Variants in SHANK2 observed in about 807,000 individuals in gnomAD.
SHANK2 encodes the protein SH3 and multiple ankyrin repeat domains protein 2.
A neutral mutation model predicts 133.7 loss-of-function variants in SHANK2; 43 were observed. The observed-to-expected ratio is 0.32, with a 90% CI of 0.25 to 0.41. SHANK2 has a LOEUF of 0.41. SHANK2 is among the 10% of genes least tolerant of loss of function. The pLI is 1.00. For missense variants in SHANK2, 1,994 were observed against 2,235.8 expected (o/e 0.89, Z 2.18); for synonymous variants, 1,017 against 952.8 (o/e 1.07, Z -1.24).
rs576329668 is a variant in SHANK2 at position 70,937,333 on chromosome 11, C to T, written c.1108-40766G>A. Among the ~76,000 whole-genome samples the T allele has an allele frequency of 5.3e-5, 8 of 152,336 alleles. No individual in the cohort carries two copies. The South Asian group carries it at 1.7e-3, about 32-fold the overall frequency. ...AAGTCATGTGGTAACAGGGACGTGT[C>T]CAAAACAAAAGCCCCAAATGCCTTC... On this transcript the variant is annotated intron_variant, in intron 10 of 25. Coordinates refer to ENST00000601538, the MANE Select transcript of SHANK2 (RefSeq NM_012309.5).
chr11:71,185,734 A>G (rs1217010133), intron 2 of SHANK2, among the ~76,000 whole-genome samples: 1 of 152,208 alleles, frequency 6.6e-6, no homozygotes. Flanking sequence ...GACAAAGCAG[A>G]TACAATGGGT....
intron 24 of SHANK2, among the ~76,000 whole-genome samples, chr11:70,488,815 T>TCA (rs1388857624): frequency 6.6e-6 from 1 of 152,142 alleles, no homozygotes; most frequent in African/African-American, 2.4e-5. Flanking sequence ...AATATGTGGA[T>TCA]GTTGAATGTG....
intron 14 of SHANK2, among the ~76,000 whole-genome samples, chr11:70,716,918 C>A (rs553953510): frequency 8.9e-4 from 134 of 150,300 alleles, no homozygotes; most frequent in African/African-American, 3.1e-3. Context: ...CCAACTGGAC[C>A]CCTCCCAGCC....
chr11:71,190,583 C>T (rs1241295383), intron 2 of SHANK2, among the ~76,000 whole-genome samples: 1 of 152,232 alleles, frequency 6.6e-6, no homozygotes, highest in African/African-American at 2.4e-5. Context: ...CACCACCCAC[C>T]AAGGCATGAG....
intron 2 of SHANK2, among the ~76,000 whole-genome samples, chr11:71,204,034 G>A (rs1291387265): frequency 6.6e-6 from 1 of 152,120 alleles, no homozygotes; most frequent in African/African-American, 2.4e-5. Flanking sequence ...GATGAACCCT[G>A]CCTGTCGCTA....
intron 17 of SHANK2, among the ~76,000 whole-genome samples, chr11:70,527,682 A>G (rs2059416958): frequency 6.6e-6 from 1 of 152,182 alleles, no homozygotes; most frequent in African/African-American, 2.4e-5. Flanking sequence ...CTCTCTGGCC[A>G]TTCATGTGGC....
At chr11:70,899,191 T>C (rs1555076305) in intron 10 of SHANK2, among the ~76,000 whole-genome samples, 1 of 152,148 alleles carries the variant, frequency 6.6e-6, no homozygotes. Flanking sequence ...GATCCCCATG[T>C]GTCGAGGGAG....
Position 71,066,906 on chromosome 11 carries a change from C to T in SHANK2, c.1029+8253G>A, listed in dbSNP as rs1326163290. Among the ~76,000 whole-genome samples, 5 of 152,162 alleles carry T rather than the reference C, an allele frequency of 3.3e-5. No homozygotes were observed. In the East Asian group the frequency reaches 9.6e-4, roughly 29 times the overall value. ...CCCCTCACTGCCGTGGACATAGGTG[C>T]TTCTGCCTGACCTGTGCCCAGTAGA... On this transcript the variant is annotated intron_variant, in intron 9 of 25. Coordinates refer to ENST00000601538, the MANE Select transcript of SHANK2 (RefSeq NM_012309.5).
chr11:70,829,341 G>C (rs1219670794), intron 11 of SHANK2, among the ~76,000 whole-genome samples: 3 of 152,268 alleles, frequency 2.0e-5, no homozygotes, highest in African/African-American at 7.2e-5. Flanking sequence ...CGTCCGGTGC[G>C]TGTGCAGCAG....
rs560012164 is a variant in SHANK2 at position 70,470,959 on chromosome 11, T to C, written c.*1910A>G. The C allele has an allele frequency of 2.5e-5, 6 of 238,586 alleles. No individual in the cohort carries two copies. The highest frequency in any genetic ancestry group is 1.8e-4 in the South Asian group (1 of 5,562). The allele number at this position is 238,586 out of a possible 1,614,324, so 14.8% of individuals were successfully genotyped here. On this transcript the variant is annotated 3_prime_UTR_variant, in exon 26 of 26. Transcript: ENST00000601538. ...TTCAATGACGAAGTTCTAGCAAAGA[T>C]AGAAAATATAACACAGCTCTGCTGG...
chr11:70,671,968 C>A (rs1944817341), intron 15 of SHANK2, among the ~76,000 whole-genome samples: 1 of 152,122 alleles, frequency 6.6e-6, no homozygotes, highest in African/African-American at 2.4e-5. Context: ...GAAAAGTCTC[C>A]TCTGAATTCA....
At position 70,501,438 on chromosome 11, in the gene SHANK2, G is replaced by A. The variant is rs1319387170; in HGVS notation, c.2287+485C>T. On this transcript the variant is annotated intron_variant, in intron 20 of 25. Transcript: ENST00000601538. ...CTGGACTGGACCGTGGGCCTTGGGC[G>A]GGGGCTCGTTTCTGCGCCCATGTAA... Among the ~76,000 whole-genome samples, 8 of 152,354 alleles carry A rather than the reference G, an allele frequency of 5.3e-5. No individual in the cohort carries two copies. In the East Asian group the frequency reaches 7.7e-4, roughly 15 times the overall value.
At chr11:71,167,240 C>T (rs1230895948) in intron 2 of SHANK2, among the ~76,000 whole-genome samples, 2 of 152,178 alleles carry the variant, frequency 1.3e-5, no homozygotes, top group African/African-American at 4.8e-5. Flanking sequence ...CCCCACCTTT[C>T]CCCCCTTTCT....
chr11:70,818,308 C>A (rs1565338190), intron 12 of SHANK2, among the ~76,000 whole-genome samples: 2 of 152,154 alleles, frequency 1.3e-5, no homozygotes, highest in African/African-American at 4.8e-5. Context: ...CACAGGCATA[C>A]ACAAACACAT....
Position 70,711,589 on chromosome 11 carries a change from G to A in SHANK2, c.1778-12826C>T, listed in dbSNP as rs149043388. On this transcript the variant is annotated intron_variant, in intron 14 of 25. Transcript: ENST00000601538. ...TGCGGGGCTTGGAGCCAGCACGCCC[G>A]CCCGGCCTCCAGGCTCAGGACTCCA... Among the ~76,000 whole-genome samples, 30 of 152,320 alleles carry A rather than the reference G, an allele frequency of 2.0e-4. No homozygotes were observed. The East Asian group carries it at 4.1e-3, about 21-fold the overall frequency.
intron 14 of SHANK2, among the ~76,000 whole-genome samples, chr11:70,795,407 C>CTTTTTTTTTTTTTTTT (rs71049944): frequency 2.3e-5 from 3 of 128,442 alleles, no homozygotes; most frequent in Non-Finnish European, 4.7e-5. Flanking sequence ...CTTTCTTTTT[C>CTTTTTTTTTTTTTTTT]TTTTTTTTTT....
chr11:70,519,658 A>C (rs1348260811), intron 17 of SHANK2, among the ~76,000 whole-genome samples: 1 of 152,188 alleles, frequency 6.6e-6, no homozygotes, highest in East Asian at 1.9e-4. Flanking sequence ...AAAAAAAAAC[A>C]AAAAGTGCCA....
chr11:71,188,234 A>G lies in SHANK2; in HGVS notation c.-13+36463T>C, dbSNP rs1953715634. On this transcript the variant is annotated intron_variant, in intron 2 of 25. Coordinates refer to ENST00000601538, the MANE Select transcript of SHANK2 (RefSeq NM_012309.5). This position sits in a 1 kb window ranked among gnomAD's most constrained non-coding sequence, Gnocchi z 4.6. Reference sequence around the variant, plus strand: ...CATCCTGCTGAGACCTCCCCTTAGTATCCCCTGCTGGTGTCACTCTGGTCA... The same window carrying G: ...CATCCTGCTGAGACCTCCCCTTAGTGTCCCCTGCTGGTGTCACTCTGGTCA... Among the ~76,000 whole-genome samples, 2 of 151,820 alleles carry G rather than the reference A, an allele frequency of 1.3e-5. No individual in the cohort carries two copies. The highest frequency in any genetic ancestry group is 2.9e-5 in the Non-Finnish European group (2 of 67,980).
chr11:70,494,475 G>A (rs2058940645), intron 21 of SHANK2, among the ~76,000 whole-genome samples: 2 of 152,112 alleles, frequency 1.3e-5, no homozygotes, highest in Non-Finnish European at 2.9e-5. Flanking sequence ...TGTATTTTTA[G>A]TAGAGACGGG....
Sources: gnomAD v4.1 joint callset for allele counts (sites outside exome capture counted in the v4.1 genomes callset) on GRCh38, gnomAD v4.1.1 for gene constraint, Gnocchi (gnomAD v3.1) non-coding constraint, MANE v1.5 for transcripts, NCBI Gene and HGNC (gene_info 2026-07-23, HGNC 2026-07-21) for gene names.